UBE2W: variants seen among roughly 807,000 people sequenced by gnomAD.
The protein encoded by UBE2W is ubiquitin-conjugating enzyme E2 W.
Under a neutral mutation model 27.2 loss-of-function variants are expected in UBE2W, and 18 were observed. The observed-to-expected ratio is 0.66, with a 90% CI of 0.46 to 0.98. The LOEUF is 0.98. Among genes scored for constraint, UBE2W ranks in the 50% least tolerant of loss-of-function variants. UBE2W has a pLI of 0.00. For missense variants in UBE2W, 90 were observed against 180.2 expected (o/e 0.50, Z 2.87); for synonymous variants, 53 against 57.2 (o/e 0.93, Z 0.33).
rs182638494 is a variant in UBE2W at position 73,786,280 on chromosome 8, C to G, written c.*7822G>C. On this transcript the variant is annotated 3_prime_UTR_variant, in exon 6 of 6. Transcript: ENST00000602593. ...CTCAAACTCTCTGGGATAGAAAGAGCAGGGTCCTGTTATACATTTTACTCA... is the reference window on the plus strand; with the variant it reads ...CTCAAACTCTCTGGGATAGAAAGAGGAGGGTCCTGTTATACATTTTACTCA... 212 of 985,400 alleles carry G rather than the reference C, an allele frequency of 2.2e-4. 2 individuals are homozygous for G. In the East Asian group the frequency reaches 0.02, roughly 92 times the overall value. 61.0% of individuals were successfully genotyped at this position (985,400 alleles called of 1,614,324 possible). A position where few individuals can be genotyped will look rare whatever the true frequency, so the allele number is the denominator to read the frequency against.
rs529809195 is a variant in UBE2W, at chr8:73,793,218, A to G, written c.*884T>C. ...TGCTGATGGCTAGCAGGAAGTTAAC[A>G]GAGTGTAACTTACTTGGAAAAAATC... is the stretch of plus-strand genomic sequence containing the variant. On this transcript the variant is annotated 3_prime_UTR_variant, in exon 6 of 6. Transcript: ENST00000602593. 13 of 985,816 alleles carry G rather than the reference A, an allele frequency of 1.3e-5. No homozygotes were observed. The highest frequency in any genetic ancestry group is 8.7e-5 in the African/African-American group (5 of 57,348). The allele number at this position is 985,816 out of a possible 1,614,324, so 61.1% of individuals were successfully genotyped here. A position where few individuals can be genotyped will look rare whatever the true frequency, so the allele number is the denominator to read the frequency against.
intron 4 of UBE2W, 108 bp downstream of exon 4, chr8:73,810,366 T>A (rs866221669): frequency 8.9e-7 from 1 of 1,128,126 alleles, no homozygotes; most frequent in Admixed American, 3.0e-5. Context: ...AATTTTCAAA[T>A]AAAAAGCATA....
chr8:73,799,113 A>G (rs1808537147), intron 5 of UBE2W, among the ~76,000 whole-genome samples: 1 of 152,184 alleles, frequency 6.6e-6, no homozygotes, highest in Non-Finnish European at 1.5e-5. Flanking sequence ...GTCAACTACA[A>G]GTAAGTAATA....
intron 1 of UBE2W, among the ~76,000 whole-genome samples, chr8:73,867,407 C>T (rs1269781129): frequency 1.3e-5 from 2 of 151,986 alleles, no homozygotes; most frequent in African/African-American, 2.4e-5. Context: ...TGGTGGCACA[C>T]GCCTGTAGTC....
chr8:73,844,536 G>A (rs1810687536), intron 1 of UBE2W, among the ~76,000 whole-genome samples: 2 of 152,200 alleles, frequency 1.3e-5, no homozygotes, highest in Non-Finnish European at 2.9e-5. Flanking sequence ...GCCTCCCAAA[G>A]TGCCGAGATT....
At chr8:73,843,982 C>T (rs1054863987) in intron 1 of UBE2W, among the ~76,000 whole-genome samples, 1 of 152,040 alleles carries the variant, frequency 6.6e-6, no homozygotes, top group Non-Finnish European at 1.5e-5. Flanking sequence ...AGCAAGACTC[C>T]ATCTCAAAAA....
At chr8:73,863,470 C>G (rs1563630791) in intron 1 of UBE2W, among the ~76,000 whole-genome samples, 3 of 149,948 alleles carry the variant, frequency 2.0e-5, no homozygotes, top group Admixed American at 1.3e-4. Flanking sequence ...GGAGATATAC[C>G]TAATGCTAGA....
At chr8:73,842,316 C>T (rs1810566452) in intron 1 of UBE2W, among the ~76,000 whole-genome samples, 1 of 151,690 alleles carries the variant, frequency 6.6e-6, no homozygotes, top group African/African-American at 2.4e-5. Context: ...ATTACGAGGT[C>T]AGGAGATTGA....
intron 2 of UBE2W, among the ~76,000 whole-genome samples, chr8:73,825,705 G>A (rs184218163): frequency 2.6e-5 from 4 of 152,252 alleles, no homozygotes; most frequent in Admixed American, 2.0e-4. Context: ...GGAGGCTGAG[G>A]CAGGAGAATC....
At chr8:73,831,701 A>G (rs2130910441) in intron 1 of UBE2W, 1 of 151,652 alleles carries the variant, frequency 6.6e-6, no homozygotes, top group East Asian at 1.9e-4. Context: ...GGTGTTCAAC[A>G]CCATGCTTGG....
In UBE2W at chr8:73,793,499, TC is replaced by T; in HGVS notation, c.*602del. 1 of 985,860 alleles carries T rather than the reference TC, an allele frequency of 1.0e-6. No homozygotes were observed. Among genetic ancestry groups the T allele is most frequent in the Non-Finnish European group, 1.2e-6 (1 of 829,922 alleles). 61.1% of individuals were successfully genotyped at this position (985,860 alleles called of 1,614,324 possible). ...CAACTTGACAGTAGATATAAACAAT[TC>T]AATAAATATGCAATGATCTTTCATT... On this transcript the variant is annotated 3_prime_UTR_variant, in exon 6 of 6. Coordinates refer to ENST00000602593, the MANE Select transcript of UBE2W (RefSeq NM_018299.6).
At position 73,866,268 on chromosome 8, in the gene UBE2W, T is replaced by TAAAAAA. The variant is rs10568367; in HGVS notation, c.15+12534_15+12539dup. 4.0e-4 allele frequency among the ~76,000 whole-genome samples: 17 copies of TAAAAAA among 42,310 alleles called. 1 individual carries two copies. Among genetic ancestry groups the TAAAAAA allele is most frequent in the Admixed American group, 9.9e-4 (2 of 2,024 alleles). The allele number at this position is 42,310 out of a possible 152,430, so 27.8% of individuals were successfully genotyped here. On this transcript the variant is annotated intron_variant, in intron 1 of 5. Transcript: ENST00000602593. ...CCTGGTGACAAAGCAAGACTTGGTCTAAAAAAAAAAAAAAAAAAAAAAATA... is the reference window on the plus strand; with the variant it reads ...CCTGGTGACAAAGCAAGACTTGGTCTAAAAAAAAAAAAAAAAAAAAAAAAAAAAATA...
At chr8:73,871,630 A>C (rs1812013166) in intron 1 of UBE2W, among the ~76,000 whole-genome samples, 1 of 152,222 alleles carries the variant, frequency 6.6e-6, no homozygotes, top group Non-Finnish European at 1.5e-5. Context: ...TCACAAATAA[A>C]GGCTTTCAAA....
intron 1 of UBE2W, among the ~76,000 whole-genome samples, chr8:73,837,213 A>T (rs1810343983): frequency 6.6e-6 from 1 of 152,222 alleles, no homozygotes; most frequent in East Asian, 1.9e-4. Context: ...GAAAAAGTGC[A>T]TTTAAAAAAA....
chr8:73,859,012 GT>G (rs1334033847), intron 1 of UBE2W, among the ~76,000 whole-genome samples: 1 of 148,086 alleles, frequency 6.8e-6, no homozygotes, highest in Admixed American at 6.8e-5. Context: ...GTGTGTGTGT[GT>G]GTGTGGTGGT....
chr8:73,873,569 T>TCC, intron 1 of UBE2W, among the ~76,000 whole-genome samples: 1 of 152,014 alleles, frequency 6.6e-6, no homozygotes, highest in African/African-American at 2.4e-5. Flanking sequence ...AGTGGGAGGA[T>TCC]CACCCGAGCC....
chr8:73,786,524 T>C lies in UBE2W; in HGVS notation c.*7578A>G, dbSNP rs533314555. On this transcript the variant is annotated 3_prime_UTR_variant, in exon 6 of 6. Coordinates refer to ENST00000602593, the MANE Select transcript of UBE2W (RefSeq NM_018299.6). ...TGTTAAAAAGTTCAGGATAGATGAC[T>C]GGTAGGGAGAGAAGAAAGGACAAGG... 2.1e-5 allele frequency: 21 copies of C among 985,462 alleles called. 1 individual carries two copies. The South Asian group carries it at 4.7e-4, about 22-fold the overall frequency. The allele number at this position is 985,462 out of a possible 1,614,324, so 61.0% of individuals were successfully genotyped here. A position where few individuals can be genotyped will look rare whatever the true frequency, so the allele number is the denominator to read the frequency against.
chr8:73,835,028 G>A lies in UBE2W; in HGVS notation c.16-4556C>T, dbSNP rs1018255554. On this transcript the variant is annotated intron_variant, in intron 1 of 5. Transcript: ENST00000602593. ...CAAGGACCATATTTTGGGAAACACT[G>A]CTGCAGAAATCTTCCAGATCTTGAG... Among the ~76,000 whole-genome samples the A allele has an allele frequency of 5.9e-5, 9 of 152,270 alleles. No homozygotes were observed. In the East Asian group the frequency reaches 1.5e-3, roughly 26 times the overall value.
chr8:73,844,920 G>C (rs1425178556), intron 1 of UBE2W, among the ~76,000 whole-genome samples: 5 of 144,388 alleles, frequency 3.5e-5, no homozygotes, highest in African/African-American at 1.3e-4. Context: ...GCAGCCGCCC[G>C]GTCTGGGAAG....
Sources: gnomAD v4.1 joint callset for allele counts (sites outside exome capture counted in the v4.1 genomes callset) on GRCh38, gnomAD v4.1.1 for gene constraint, MANE v1.5 for transcripts, NCBI Gene and HGNC (gene_info 2026-07-23, HGNC 2026-07-21) for gene names.